The following FAF1 variants were observed in gnomAD, a reference collection of about 807,000 sequenced individuals.
The protein encoded by FAF1 is FAS-associated factor 1.
In FAF1, 25 loss-of-function variants were observed where a neutral mutation model predicts 92.5. That is an observed-to-expected ratio of 0.27 (90% CI 0.20 to 0.38). The LOEUF (loss-of-function observed/expected upper bound fraction) is 0.38. Ranked by LOEUF, FAF1 falls within the 10% of genes least tolerant of loss-of-function variation. The probability of loss-of-function intolerance (pLI) is 1.00; values close to 1 mark genes in which losing one functional copy is unlikely to be tolerated. For missense variants in FAF1, 636 were observed against 793.3 expected, an observed-to-expected ratio of 0.80 and a Z score of 2.38; for synonymous variants, 234 against 273.2, an observed-to-expected ratio of 0.86 and a Z score of 1.42.
At chr1:50,608,197 T>C (rs926809769) in intron 8 of FAF1, among the ~76,000 whole-genome samples, 1 of 152,216 alleles carries the variant, frequency 6.6e-6, no homozygotes, top group African/African-American at 2.4e-5. Flanking sequence ...GTTGTTGACA[T>C]GGAAAGGGGC....
chr1:50,506,794 AAAG>A (rs1201346988), intron 15 of FAF1, among the ~76,000 whole-genome samples: 7 of 152,216 alleles, frequency 4.6e-5, no homozygotes. Context: ...AGAGGAAAGA[AAAG>A]AAGTGACCAT....
intron 4 of FAF1, among the ~76,000 whole-genome samples, chr1:50,759,475 A>G (rs934798548): frequency 1.3e-5 from 2 of 152,054 alleles, no homozygotes; most frequent in Non-Finnish European, 2.9e-5. Context: ...TACAAAGGAC[A>G]TGAACTCATC....
chr1:50,955,020 AAGG>A (rs529826673), intron 1 of FAF1, among the ~76,000 whole-genome samples: 6 of 152,292 alleles, frequency 3.9e-5, no homozygotes, highest in African/African-American at 1.2e-4. Context: ...GAAAGAGGTT[AAGG>A]AGGAGAAGAC....
At chr1:50,635,944 C>G (rs72900926) in intron 8 of FAF1, among the ~76,000 whole-genome samples, 10,038 of 152,134 alleles carry the variant, frequency 0.066, 409 homozygotes, top group East Asian at 0.091. Flanking sequence ...ATGGTTTGGC[C>G]AGTGTAAATG....
intron 7 of FAF1, among the ~76,000 whole-genome samples, chr1:50,666,039 TG>T (rs1418816567): frequency 1.3e-5 from 2 of 151,380 alleles, no homozygotes; most frequent in African/African-American, 2.4e-5. Context: ...TAGCTAGGCG[TG>T]GTGGTGCATC....
chr1:50,711,412 T>G (rs1271608088), intron 6 of FAF1, among the ~76,000 whole-genome samples: 2 of 152,078 alleles, frequency 1.3e-5, no homozygotes, highest in Non-Finnish European at 2.9e-5. Context: ...TAAAACCTTG[T>G]TTTGATCACC....
intron 5 of FAF1, among the ~76,000 whole-genome samples, chr1:50,739,917 T>C (rs1180593501): frequency 6.6e-6 from 1 of 152,150 alleles, no homozygotes; most frequent in East Asian, 1.9e-4. Context: ...CATTTCAAAC[T>C]CCTAACCTGA....
intron 4 of FAF1, among the ~76,000 whole-genome samples, chr1:50,748,884 C>T (rs1239110405): frequency 6.6e-6 from 1 of 152,178 alleles, no homozygotes; most frequent in Non-Finnish European, 1.5e-5. Context: ...TTAAGATACA[C>T]AAGTTCTATG....
intron 6 of FAF1, 66 bp from the exon 7 acceptor site, chr1:50,705,957 G>A (rs1008278235): frequency 8.4e-6 from 8 of 957,472 alleles, no homozygotes; most frequent in African/African-American, 1.6e-5. Context: ...TTTACAGCTA[G>A]CTGCAAAAAC....
At chr1:50,783,232 C>G (rs556306780) in intron 4 of FAF1, among the ~76,000 whole-genome samples, 2 of 152,184 alleles carry the variant, frequency 1.3e-5, no homozygotes, top group South Asian at 2.1e-4. Context: ...TCAAAAATCT[C>G]CCAACAAAGA....
chr1:50,823,647 ACTTT>A (rs1020305557), intron 2 of FAF1, among the ~76,000 whole-genome samples: 1 of 152,042 alleles, frequency 6.6e-6, no homozygotes, highest in Non-Finnish European at 1.5e-5. Context: ...TGTTCTACTT[ACTTT>A]ATTTTTGAAA....
At chr1:50,574,162 A>T (rs1300074786) in intron 12 of FAF1, among the ~76,000 whole-genome samples, 2 of 152,196 alleles carry the variant, frequency 1.3e-5, no homozygotes, top group African/African-American at 2.4e-5. Context: ...AAACTCTCAA[A>T]ATAAGCTGAC....
intron 8 of FAF1, among the ~76,000 whole-genome samples, chr1:50,599,863 G>T (rs949991728): frequency 3.3e-5 from 5 of 152,108 alleles, no homozygotes; most frequent in Non-Finnish European, 7.4e-5. Context: ...TGGGACCAGA[G>T]GTGTTTCAGA....
At chr1:50,512,713 T>C (rs1311775812) in intron 15 of FAF1, among the ~76,000 whole-genome samples, 1 of 152,250 alleles carries the variant, frequency 6.6e-6, no homozygotes, top group Non-Finnish European at 1.5e-5. Flanking sequence ...GTCTTGGCTA[T>C]AACGGCTCTT....
intron 6 of FAF1, among the ~76,000 whole-genome samples, chr1:50,727,641 A>G (rs1371639745): frequency 1.3e-5 from 2 of 152,224 alleles, no homozygotes; most frequent in Non-Finnish European, 2.9e-5. Flanking sequence ...TCGGGTGTCA[A>G]CTTGATTGAA....
At chr1:50,499,150 C>T (rs906764188) in intron 15 of FAF1, among the ~76,000 whole-genome samples, 3 of 152,026 alleles carry the variant, frequency 2.0e-5, no homozygotes, top group African/African-American at 7.3e-5. Flanking sequence ...ACATAAGGTA[C>T]CTAGAATAGG....
intron 15 of FAF1, among the ~76,000 whole-genome samples, chr1:50,496,425 T>G (rs1012074810): frequency 1.3e-5 from 2 of 151,882 alleles, no homozygotes; most frequent in African/African-American, 4.8e-5. Flanking sequence ...AAGAAAGAAA[T>G]AAAGAAAGAG....
chr1:50,891,263 A>G (rs146123501), intron 1 of FAF1, among the ~76,000 whole-genome samples: 2,014 of 152,178 alleles, frequency 0.013, 40 homozygotes, highest in African/African-American at 0.047. Flanking sequence ...CCATTCGTCT[A>G]TCTTTTTTCA....
chr1:50,956,077 A>C (rs1645264612), intron 1 of FAF1, among the ~76,000 whole-genome samples: 1 of 152,200 alleles, frequency 6.6e-6, no homozygotes, highest in African/African-American at 2.4e-5. Flanking sequence ...CAGTGATAGT[A>C]ACAAAGCAAA....
Sources: gnomAD v4.1 joint callset for allele counts (sites outside exome capture counted in the v4.1 genomes callset) on GRCh38, gnomAD v4.1.1 for gene constraint, MANE v1.5 for transcripts, NCBI Gene and HGNC (gene_info 2026-07-23, HGNC 2026-07-21) for gene names.